PPP2CB: variants seen among roughly 807,000 people sequenced by gnomAD.
The protein encoded by PPP2CB is protein phosphatase 2 catalytic subunit beta.
PPP2CB carries 18 observed loss-of-function variants against 39.1 expected under a neutral mutation model. The observed-to-expected ratio is 0.46, with a 90% CI of 0.32 to 0.68. PPP2CB has a LOEUF of 0.68. PPP2CB is among the 30% of genes least tolerant of loss of function. PPP2CB has a pLI of 0.04. For missense variants in PPP2CB, 226 were observed against 396.9 expected, an observed-to-expected ratio of 0.57 and a Z score of 3.66; for synonymous variants, 129 against 133.8, an observed-to-expected ratio of 0.96 and a Z score of 0.25.
chr8:30,801,367 C>T (rs1335291530), intron 1 of PPP2CB, among the ~76,000 whole-genome samples: 1 of 151,676 alleles, frequency 6.6e-6, no homozygotes, highest in Non-Finnish European at 1.5e-5. Flanking sequence ...CCCATCTCTA[C>T]TAAAAATACA....
chr8:30,790,791 C>A (rs1806416299), intron 6 of PPP2CB, among the ~76,000 whole-genome samples: 4 of 152,156 alleles, frequency 2.6e-5, no homozygotes, highest in Non-Finnish European at 5.9e-5. Flanking sequence ...TGGGAGTGAA[C>A]CCACAGCCCC....
At chr8:30,811,366 C>T (rs915647077) in intron 1 of PPP2CB, among the ~76,000 whole-genome samples, 6 of 152,188 alleles carry the variant, frequency 3.9e-5, no homozygotes, top group African/African-American at 9.7e-5. Flanking sequence ...AAAATCAACA[C>T]TTTACTTCCA....
Position 30,794,031 on chromosome 8 carries a change from T to A in PPP2CB, c.624A>T (p.Gly208=), listed in dbSNP as rs747012576. Residue 208 remains glycine (G), a synonymous_variant, in exon 5 of 7, where the codon GGA becomes GGT. Coordinates refer to ENST00000221138, the MANE Select transcript of PPP2CB (RefSeq NM_001009552.2). The stretch of plus-strand genomic sequence containing the variant: ...CAGCACCACGTGGTGAAATACCCCA[T>A]CCACCACGATCATCTGGATCTGACC... ...LLWSDPDDRG[G]WGISPRGAGY... 2.5e-6 allele frequency: 4 copies of A among 1,612,292 alleles called. No individual in the cohort carries two copies.
intron 1 of PPP2CB, among the ~76,000 whole-genome samples, chr8:30,808,722 C>T (rs1214148219): frequency 6.6e-6 from 1 of 152,012 alleles, no homozygotes; most frequent in Admixed American, 6.6e-5. Context: ...TAACAGGCAC[C>T]ACTACTTTTC....
intron 1 of PPP2CB, among the ~76,000 whole-genome samples, 193 bp downstream of exon 1, chr8:30,812,127 G>A (rs1185893849): frequency 6.6e-6 from 1 of 152,008 alleles, no homozygotes; most frequent in Non-Finnish European, 1.5e-5. Context: ...GAAGGGGCAG[G>A]CGAGGGCAGC....
intron 5 of PPP2CB, among the ~76,000 whole-genome samples, chr8:30,791,798 T>C (rs1304531299): frequency 2.6e-5 from 4 of 151,978 alleles, no homozygotes; most frequent in Non-Finnish European, 4.4e-5. Context: ...GTATTATATA[T>C]AGTGTGTATA....
chr8:30,798,135 G>A (rs1806556575), intron 2 of PPP2CB, among the ~76,000 whole-genome samples: 2 of 152,134 alleles, frequency 1.3e-5, no homozygotes, highest in Non-Finnish European at 2.9e-5. Flanking sequence ...GAAAATCACA[G>A]GTTTGAAGCT....
At chr8:30,812,041 G>C (rs908810799) in intron 1 of PPP2CB, among the ~76,000 whole-genome samples, 4 of 152,062 alleles carry the variant, frequency 2.6e-5, no homozygotes, top group Non-Finnish European at 4.4e-5. Flanking sequence ...AGGGGGCTAC[G>C]TTTCCCCGCC....
intron 1 of PPP2CB, among the ~76,000 whole-genome samples, chr8:30,809,573 A>G (rs1241912310): frequency 6.6e-6 from 1 of 152,134 alleles, no homozygotes; most frequent in African/African-American, 2.4e-5. Flanking sequence ...AACTCCATCA[A>G]TGGGGGTAGA....
At chr8:30,787,625 G>A (rs1056683192) in intron 6 of PPP2CB, among the ~76,000 whole-genome samples, 21 of 152,304 alleles carry the variant, frequency 1.4e-4, no homozygotes, top group Middle Eastern at 3.4e-3. Flanking sequence ...TAGAGCCACC[G>A]CACCTGGCCA....
intron 6 of PPP2CB, among the ~76,000 whole-genome samples, chr8:30,787,178 G>GGTA (rs1274168303): frequency 6.6e-6 from 1 of 152,114 alleles, no homozygotes; most frequent in Non-Finnish European, 1.5e-5. Context: ...CCAGGTTGCT[G>GGTA]GTACGTATGT....
intron 2 of PPP2CB, 131 bp downstream of exon 2, chr8:30,799,415 T>A: frequency 1.4e-6 from 1 of 716,432 alleles, no homozygotes; most frequent in South Asian, 2.0e-5. Context: ...TTTAAAAAGA[T>A]GTAAAACCAA....
At chr8:30,810,756 CT>C (rs901463349) in intron 1 of PPP2CB, among the ~76,000 whole-genome samples, 1 of 152,140 alleles carries the variant, frequency 6.6e-6, no homozygotes, top group African/African-American at 2.4e-5. Flanking sequence ...AAAATAAATC[CT>C]CCTGTGTTAA....
At chr8:30,794,431 G>T in intron 3 of PPP2CB, 150 bp from the exon 4 acceptor site, 2 of 644,212 alleles carry the variant, frequency 3.1e-6, no homozygotes, top group Non-Finnish European at 5.1e-6. Context: ...CCCCTTCTCT[G>T]GTCAATGGTA....
intron 3 of PPP2CB, 121 bp from the exon 4 acceptor site, chr8:30,794,402 C>T: frequency 1.1e-6 from 1 of 870,768 alleles, no homozygotes. Flanking sequence ...ATATTTTGTC[C>T]ATCATTTTTT....
At chr8:30,801,611 G>A (rs1055825567) in intron 1 of PPP2CB, among the ~76,000 whole-genome samples, 9 of 151,882 alleles carry the variant, frequency 5.9e-5, no homozygotes, top group Non-Finnish European at 1.0e-4. Context: ...GGGGGAGAGA[G>A]CACAATTTTA....
chr8:30,796,366 TTA>T (rs1466400608), intron 3 of PPP2CB, among the ~76,000 whole-genome samples: 2 of 152,240 alleles, frequency 1.3e-5, no homozygotes, highest in East Asian at 3.9e-4. Flanking sequence ...TGGAGTTTTA[TTA>T]TATGTTTTAT....
chr8:30,810,361 G>C (rs998111677), intron 1 of PPP2CB: 3 of 152,308 alleles, frequency 2.0e-5, no homozygotes, highest in African/African-American at 7.2e-5. Context: ...TGAGGCAGGA[G>C]GATCCCTCGA....
At chr8:30,789,011 T>C (rs1025459144) in intron 6 of PPP2CB, among the ~76,000 whole-genome samples, 3 of 152,080 alleles carry the variant, frequency 2.0e-5, no homozygotes, top group Non-Finnish European at 4.4e-5. Flanking sequence ...ACTTCCCCCA[T>C]AGTGTGCAGC....
Sources: gnomAD v4.1 joint callset for allele counts (sites outside exome capture counted in the v4.1 genomes callset) on GRCh38, gnomAD v4.1.1 for gene constraint, MANE v1.5 for transcripts, NCBI Gene and HGNC (gene_info 2026-07-23, HGNC 2026-07-21) for gene names.